The following TAFA2 variants were observed in gnomAD, a reference collection of about 807,000 sequenced individuals.
TAFA2 encodes TAFA chemokine like family member 2, also known as chemokine-like protein TAFA-2.
Under a neutral mutation model 18.8 loss-of-function variants are expected in TAFA2, and 7 were observed. The ratio of observed to expected loss-of-function variants is 0.37; its 90% CI spans 0.21 to 0.70. TAFA2 has a LOEUF of 0.70. TAFA2 is among the 30% of genes least tolerant of loss of function. TAFA2 has a pLI of 0.53. For missense variants in TAFA2, 122 were observed against 158.1 expected (o/e 0.77, Z 1.23); for synonymous variants, 60 against 54.2 (o/e 1.11, Z -0.47).
At chr12:61,868,796 T>G (rs1869893) in intron 1 of TAFA2, among the ~76,000 whole-genome samples, 127,255 of 152,154 alleles carry the variant, frequency 0.84, 53,648 homozygotes, top group East Asian at 0.98. Flanking sequence ...TGGCAATATT[T>G]TAAGAATAAA....
At chr12:61,976,550 T>G (rs915069985) in intron 1 of TAFA2, among the ~76,000 whole-genome samples, 16 of 151,936 alleles carry the variant, frequency 1.1e-4, no homozygotes, top group Admixed American at 7.9e-4. Context: ...TTTCATTTCT[T>G]TATTATACTT....
At chr12:61,784,793 T>C (rs12312819) in intron 2 of TAFA2, among the ~76,000 whole-genome samples, 6,919 of 151,470 alleles carry the variant, frequency 0.046, 509 homozygotes, top group African/African-American at 0.16. Flanking sequence ...TTAATTATTT[T>C]CTTTTCTCTC....
chr12:61,824,097 G>A (rs114313242), intron 2 of TAFA2, among the ~76,000 whole-genome samples: 3,799 of 152,220 alleles, frequency 0.025, 142 homozygotes, highest in African/African-American at 0.086. Context: ...CAGCTGTGAC[G>A]AAGCAAGTAG....
intron 1 of TAFA2, among the ~76,000 whole-genome samples, chr12:62,228,211 T>A (rs1380244846): frequency 1.3e-5 from 2 of 152,110 alleles, no homozygotes. Context: ...GAATCCTTCG[T>A]GTTTATTGTT....
intron 1 of TAFA2, among the ~76,000 whole-genome samples, chr12:61,905,273 T>C (rs989993047): frequency 2.6e-5 from 4 of 152,124 alleles, no homozygotes; most frequent in Admixed American, 1.3e-4. Flanking sequence ...GTCTAGGCCA[T>C]TACCAGGCCC....
chr12:61,838,075 A>G (rs1873010561), intron 2 of TAFA2, among the ~76,000 whole-genome samples: 1 of 152,014 alleles, frequency 6.6e-6, no homozygotes, highest in South Asian at 2.1e-4. Flanking sequence ...ACTAAATCTA[A>G]GAGAAGAGAA....
intron 1 of TAFA2, among the ~76,000 whole-genome samples, chr12:61,941,285 T>A (rs1173090183): frequency 7.2e-5 from 11 of 152,322 alleles, no homozygotes; most frequent in Admixed American, 3.9e-4. Flanking sequence ...ATAAAATATA[T>A]CATTAGAATT....
chr12:62,212,462 C>T (rs1386046827), intron 1 of TAFA2, among the ~76,000 whole-genome samples: 2 of 152,182 alleles, frequency 1.3e-5, no homozygotes, highest in Non-Finnish European at 2.9e-5. Flanking sequence ...CAGGGATACC[C>T]TCTAGGAATA....
chr12:61,891,699 G>A (rs776081879), intron 1 of TAFA2, among the ~76,000 whole-genome samples: 4 of 151,948 alleles, frequency 2.6e-5, no homozygotes, highest in Non-Finnish European at 5.9e-5. Context: ...AGGAGAAGGA[G>A]GAGGGAGGTT....
chr12:61,843,169 A>C (rs1873259830), intron 2 of TAFA2, among the ~76,000 whole-genome samples: 2 of 152,052 alleles, frequency 1.3e-5, no homozygotes, highest in Admixed American at 1.3e-4. Context: ...TATGGGGAAA[A>C]AGAGGGCAAT....
Position 61,961,590 on chromosome 12 carries a change from C to A in TAFA2, c.-1-94164G>T, listed in dbSNP as rs58888716. Among the ~76,000 whole-genome samples the A allele has an allele frequency of 8.0e-3, 1,219 of 151,982 alleles. 16 individuals carry two copies. Among genetic ancestry groups the A allele is most frequent in the African/African-American group, 0.028 (1,177 of 41,476 alleles). On this transcript the variant is annotated intron_variant, in intron 1 of 4. Transcript: ENST00000416284. ...CTCCCCTTATTTTAAGATTAAGAAG[C>A]TATAGCTTAAAGAGGATAAGTACCT...
intron 1 of TAFA2, among the ~76,000 whole-genome samples, chr12:62,040,166 A>C (rs558619461): frequency 2.0e-5 from 3 of 152,182 alleles, no homozygotes; most frequent in African/African-American, 7.2e-5. Flanking sequence ...AGACAGTCTG[A>C]CTCCAAACAC....
chr12:62,222,348 T>A (rs978902084), intron 1 of TAFA2, among the ~76,000 whole-genome samples: 8 of 152,100 alleles, frequency 5.3e-5, no homozygotes, highest in African/African-American at 1.9e-4. Flanking sequence ...CAGTGCAGGA[T>A]CTAATCAAAG....
chr12:62,176,040 C>T (rs1283681544), intron 1 of TAFA2, among the ~76,000 whole-genome samples: 3 of 152,042 alleles, frequency 2.0e-5, no homozygotes, highest in African/African-American at 7.2e-5. Flanking sequence ...ATATTAAAGA[C>T]ATCCATAAAC....
At chr12:61,840,563 A>T (rs1425426338) in intron 2 of TAFA2, among the ~76,000 whole-genome samples, 1 of 152,078 alleles carries the variant, frequency 6.6e-6, no homozygotes, top group Non-Finnish European at 1.5e-5. Context: ...TGCCACACAG[A>T]TTCTAGGAAT....
chr12:62,231,787 G>A (rs2136984319), intron 1 of TAFA2, among the ~76,000 whole-genome samples: 1 of 152,196 alleles, frequency 6.6e-6, no homozygotes, highest in South Asian at 2.1e-4. Flanking sequence ...AATAGCTAAG[G>A]CAAGATTAAT....
intron 1 of TAFA2, among the ~76,000 whole-genome samples, chr12:62,083,311 T>C (rs1230956467): frequency 6.6e-6 from 1 of 152,006 alleles, no homozygotes; most frequent in Non-Finnish European, 1.5e-5. Flanking sequence ...TGAATGGTAA[T>C]GACAACTTCT....
chr12:61,942,434 T>G (rs376839835), intron 1 of TAFA2, among the ~76,000 whole-genome samples: 1 of 151,108 alleles, frequency 6.6e-6, no homozygotes, highest in Non-Finnish European at 1.5e-5. Context: ...TCACCAGCAA[T>G]GGAACAAAGC....
intron 1 of TAFA2, among the ~76,000 whole-genome samples, chr12:61,935,149 T>A (rs1010727865): frequency 6.6e-6 from 1 of 152,204 alleles, no homozygotes; most frequent in Non-Finnish European, 1.5e-5. Flanking sequence ...ACACTAAGAA[T>A]GTTAATTCTA....
Sources: allele counts gnomAD v4.1 joint callset (sites outside exome capture counted in the v4.1 genomes callset), GRCh38; gene constraint gnomAD v4.1.1; transcripts MANE v1.5; gene names NCBI Gene and HGNC (gene_info 2026-07-23, HGNC 2026-07-21).